The following SLC4A10 variants were observed in gnomAD, a reference collection of about 807,000 sequenced individuals.
SLC4A10 encodes sodium-driven chloride bicarbonate exchanger.
In SLC4A10, 42 loss-of-function variants were observed where a neutral mutation model predicts 137.7. That is an observed-to-expected ratio of 0.30 (90% CI 0.24 to 0.39). SLC4A10 has a LOEUF of 0.39. Among genes scored for constraint, SLC4A10 ranks in the 10% least tolerant of loss-of-function variants. SLC4A10 has a pLI of 1.00. For synonymous variants in SLC4A10, 474 were observed against 464.1 expected, an observed-to-expected ratio of 1.02 and a Z score of -0.27; for missense variants, 925 against 1,355.0, an observed-to-expected ratio of 0.68 and a Z score of 4.98.
chr2:161,729,518 T>C (rs549449264), intron 1 of SLC4A10, among the ~76,000 whole-genome samples: 4 of 152,278 alleles, frequency 2.6e-5, no homozygotes, highest in Non-Finnish European at 4.4e-5. Flanking sequence ...AAAAGTTTTT[T>C]TTAAAAAAAA....
intron 5 of SLC4A10, among the ~76,000 whole-genome samples, chr2:161,861,382 G>A (rs1245342642): frequency 6.6e-6 from 1 of 152,162 alleles, no homozygotes; most frequent in East Asian, 1.9e-4. Context: ...GCTGCTGGAA[G>A]CCACCTTATG....
chr2:161,854,757 T>C (rs532839592), intron 4 of SLC4A10, among the ~76,000 whole-genome samples: 1 of 152,308 alleles, frequency 6.6e-6, no homozygotes, highest in South Asian at 2.1e-4. Flanking sequence ...TTTTCCTTTT[T>C]TTCAATTATT....
intron 1 of SLC4A10, among the ~76,000 whole-genome samples, chr2:161,693,825 A>G (rs972003554): frequency 2.0e-5 from 3 of 151,904 alleles, no homozygotes; most frequent in Admixed American, 1.3e-4. Flanking sequence ...TGGCTAAAAA[A>G]TATCCTATTG....
chr2:161,715,061 C>T (rs1043848233), intron 1 of SLC4A10, among the ~76,000 whole-genome samples: 6 of 151,756 alleles, frequency 4.0e-5, no homozygotes, highest in Admixed American at 2.6e-4. Flanking sequence ...TCTATACATA[C>T]GTATACATTC....
chr2:161,742,481 G>A (rs1389335253), intron 1 of SLC4A10, among the ~76,000 whole-genome samples: 5 of 123,042 alleles, frequency 4.1e-5, no homozygotes, highest in Admixed American at 2.1e-4. Context: ...TCGCACTGTC[G>A]CCCAGGCTGG....
chr2:161,960,798 G>T (rs566572581), intron 21 of SLC4A10, among the ~76,000 whole-genome samples: 8 of 152,142 alleles, frequency 5.3e-5, no homozygotes, highest in Non-Finnish European at 1.0e-4. Flanking sequence ...GAGCCACCTG[G>T]AGCTGGAAGG....
chr2:161,912,795 C>A (rs1192731328), intron 15 of SLC4A10, among the ~76,000 whole-genome samples: 3 of 152,120 alleles, frequency 2.0e-5, no homozygotes, highest in Non-Finnish European at 4.4e-5. Context: ...TAAATGTACT[C>A]AGGATATGTG....
chr2:161,898,752 A>G (rs1181338551), intron 11 of SLC4A10, among the ~76,000 whole-genome samples: 1 of 152,036 alleles, frequency 6.6e-6, no homozygotes, highest in Non-Finnish European at 1.5e-5. Flanking sequence ...CAAAACCACA[A>G]CCCTGTGAGA....
chr2:161,928,924 A>G (rs1237210591), intron 15 of SLC4A10, among the ~76,000 whole-genome samples: 2 of 152,240 alleles, frequency 1.3e-5, no homozygotes, highest in Non-Finnish European at 2.9e-5. Context: ...GTATTCACAT[A>G]TCTACGATAG....
chr2:161,766,997 T>G (rs2050879514), intron 1 of SLC4A10, among the ~76,000 whole-genome samples: 1 of 149,202 alleles, frequency 6.7e-6, no homozygotes, highest in South Asian at 2.1e-4. Flanking sequence ...CTGACCTCCT[T>G]TGTTGAAATG....
intron 3 of SLC4A10, among the ~76,000 whole-genome samples, chr2:161,824,498 G>A (rs1007785874): frequency 2.0e-5 from 3 of 152,124 alleles, no homozygotes; most frequent in African/African-American, 4.8e-5. Flanking sequence ...AAAAGGTGGG[G>A]GTAAAAGGTA....
intron 4 of SLC4A10, among the ~76,000 whole-genome samples, chr2:161,846,363 C>T (rs886994197): frequency 2.0e-5 from 3 of 152,102 alleles, no homozygotes; most frequent in Non-Finnish European, 4.4e-5. Flanking sequence ...ATCTTTCATA[C>T]ATTGCTGGTG....
At position 161,947,719 on chromosome 2, in the gene SLC4A10, C is replaced by A; in HGVS notation, c.2257C>A (p.Pro753Thr). The A allele has an allele frequency of 1.2e-6, 2 of 1,611,896 alleles. No homozygotes were observed. The highest frequency in any genetic ancestry group is 8.5e-7 in the Non-Finnish European group (1 of 1,178,882). Residue 753 changes from proline to threonine, a missense_variant, in exon 17 of 27, where the codon CCA (proline) becomes ACA (threonine). By Grantham distance (38) the Pro-to-Thr change is conservative. This residue lies in a region of SLC4A10 where 82 missense variants were observed against 151.4 expected (regional missense o/e 0.54). Coordinates refer to ENST00000446997, the MANE Select transcript of SLC4A10 (RefSeq NM_001178015.2). Reference protein sequence around the residue: ...LKQFKTSRYFPTKVRSIVSDF... With the variant: ...LKQFKTSRYFTTKVRSIVSDF... ...GCAGTTCAAGACTAGCAGATATTTT[C>A]CAACCAAGGTACTTAGACTATTTCT...
chr2:161,862,825 C>A, intron 5 of SLC4A10, 49 bp from the exon 6 acceptor site: 2 of 1,403,256 alleles, frequency 1.4e-6, no homozygotes, highest in South Asian at 1.8e-5. Flanking sequence ...GGCTGGCACA[C>A]GTTCTAGAGG....
intron 12 of SLC4A10, among the ~76,000 whole-genome samples, chr2:161,903,617 A>G (rs1240929809): frequency 6.6e-6 from 1 of 152,180 alleles, no homozygotes; most frequent in East Asian, 1.9e-4. Flanking sequence ...TGCTAAATGG[A>G]ATTAAACATT....
At chr2:161,780,120 A>T (rs1398709000) in intron 2 of SLC4A10, among the ~76,000 whole-genome samples, 1 of 152,050 alleles carries the variant, frequency 6.6e-6, no homozygotes. Flanking sequence ...CAAGAAAATA[A>T]GAGAAAAATG....
intron 12 of SLC4A10, among the ~76,000 whole-genome samples, chr2:161,903,434 A>G (rs569007628): frequency 6.6e-6 from 1 of 152,294 alleles, no homozygotes; most frequent in East Asian, 1.9e-4. Context: ...CCAAAAGGAC[A>G]TTTAGATGTC....
chr2:161,890,825 C>G (rs13021759), intron 10 of SLC4A10, among the ~76,000 whole-genome samples: 78,515 of 151,958 alleles, frequency 0.52, 20,999 homozygotes, highest in East Asian at 0.85. Context: ...GAATTTGATC[C>G]TGTCATTATA....
At chr2:161,835,754 A>G (rs190352980) in intron 3 of SLC4A10, among the ~76,000 whole-genome samples, 1 of 152,314 alleles carries the variant, frequency 6.6e-6, no homozygotes, top group Admixed American at 6.5e-5. Flanking sequence ...AGACTGTGCA[A>G]TTGCTTATAT....
Sources: allele counts gnomAD v4.1 joint callset (sites outside exome capture counted in the v4.1 genomes callset), GRCh38; gene constraint gnomAD v4.1.1; regional missense constraint gnomAD v4.1.1; transcripts MANE v1.5; gene names NCBI Gene and HGNC (gene_info 2026-07-23, HGNC 2026-07-21).